The following ROBO1 variants were observed in gnomAD, a reference collection of about 807,000 sequenced individuals.
ROBO1 encodes roundabout guidance receptor 1.
A neutral mutation model predicts 195.9 loss-of-function variants in ROBO1; 149 were observed. The ratio of observed to expected loss-of-function variants is 0.76; its 90% CI spans 0.67 to 0.87. The LOEUF is 0.87. Among genes scored for constraint, ROBO1 ranks in the 40% least tolerant of loss-of-function variants. The probability of loss-of-function intolerance (pLI) is 0.00; values close to 1 mark genes in which losing one functional copy is unlikely to be tolerated. For missense variants in ROBO1, 1,933 were observed against 2,068.3 expected (o/e 0.93, Z 1.27); for synonymous variants, 816 against 733.2 (o/e 1.11, Z -1.82).
intron 1 of ROBO1, among the ~76,000 whole-genome samples, chr3:79,619,361 G>A (rs879290464): frequency 5.9e-5 from 9 of 152,094 alleles, no homozygotes; most frequent in Middle Eastern, 6.8e-3. Flanking sequence ...CTTAGCCTGT[G>A]TTCTCAAGAA....
At chr3:79,735,906 G>T (rs2107386141) in intron 1 of ROBO1, among the ~76,000 whole-genome samples, 1 of 149,550 alleles carries the variant, frequency 6.7e-6, no homozygotes, top group Non-Finnish European at 1.5e-5. Context: ...AACAAAAAAT[G>T]CCTGACACTG....
At chr3:78,833,670 A>T (rs774420721) in intron 4 of ROBO1, among the ~76,000 whole-genome samples, 4 of 152,168 alleles carry the variant, frequency 2.6e-5, no homozygotes, top group Non-Finnish European at 4.4e-5. Context: ...TAAAGTACTT[A>T]GTTCTGAGCC....
chr3:79,139,042 T>G (rs2080470770), intron 2 of ROBO1, among the ~76,000 whole-genome samples: 1 of 151,910 alleles, frequency 6.6e-6, no homozygotes, highest in East Asian at 1.9e-4. Flanking sequence ...AGAGTTTGGT[T>G]TAAGTTAATT....
intron 2 of ROBO1, among the ~76,000 whole-genome samples, chr3:79,126,024 GA>G (rs1347502868): frequency 6.6e-6 from 1 of 152,172 alleles, no homozygotes; most frequent in Non-Finnish European, 1.5e-5. Flanking sequence ...AGGATGTGGG[GA>G]AAAACAGGTC....
At chr3:78,627,245 G>A in intron 26 of ROBO1, 76 bp downstream of exon 26, 3 of 1,481,262 alleles carry the variant, frequency 2.0e-6, no homozygotes, top group South Asian at 1.3e-5. Context: ...TTACTTCGTG[G>A]GATAGCATTT....
chr3:79,401,117 T>C (rs922681111), intron 2 of ROBO1, among the ~76,000 whole-genome samples: 1 of 151,808 alleles, frequency 6.6e-6, no homozygotes, highest in African/African-American at 2.4e-5. Flanking sequence ...AGTTGGCCAT[T>C]TGGAAATTAT....
At chr3:79,472,269 A>T (rs768111884) in intron 2 of ROBO1, among the ~76,000 whole-genome samples, 4 of 152,102 alleles carry the variant, frequency 2.6e-5, no homozygotes, top group Admixed American at 2.6e-4. Flanking sequence ...CCAATGTCAC[A>T]CTTCCTAGTG....
At chr3:78,695,873 T>A (rs1329515554) in intron 8 of ROBO1, among the ~76,000 whole-genome samples, 1 of 151,922 alleles carries the variant, frequency 6.6e-6, no homozygotes, top group Non-Finnish European at 1.5e-5. Flanking sequence ...CTACTCTCAG[T>A]AAACAAATAG....
intron 5 of ROBO1, among the ~76,000 whole-genome samples, chr3:78,741,335 T>G (rs1376887921): frequency 1.3e-5 from 2 of 152,150 alleles, no homozygotes; most frequent in Admixed American, 6.5e-5. Flanking sequence ...CTGTGCTAAT[T>G]TATAACAAAC....
chr3:78,652,063 T>C, intron 18 of ROBO1, 134 bp from the exon 19 acceptor site: 10 of 699,284 alleles, frequency 1.4e-5, no homozygotes, highest in Non-Finnish European at 2.2e-5. Context: ...CTCACCATCA[T>C]CAAATAAAAT....
intron 1 of ROBO1, among the ~76,000 whole-genome samples, chr3:79,665,067 G>C (rs2106857502): frequency 6.6e-6 from 1 of 151,792 alleles, no homozygotes; most frequent in Non-Finnish European, 1.5e-5. Context: ...CTTTAATTAG[G>C]TTCCCTTTCT....
intron 2 of ROBO1, among the ~76,000 whole-genome samples, chr3:79,156,650 A>G (rs1488411686): frequency 6.6e-6 from 1 of 151,874 alleles, no homozygotes; most frequent in Non-Finnish European, 1.5e-5. Flanking sequence ...AAGGGGGATG[A>G]TCTGGACAAA....
intron 22 of ROBO1, among the ~76,000 whole-genome samples, chr3:78,639,379 C>T (rs1169425890): frequency 1.3e-5 from 2 of 152,070 alleles, no homozygotes; most frequent in African/African-American, 4.8e-5. Context: ...ATGAGAATCA[C>T]TGGAACTCAG....
chr3:79,501,774 A>T (rs1165430678), intron 2 of ROBO1, among the ~76,000 whole-genome samples: 11 of 152,332 alleles, frequency 7.2e-5, no homozygotes, highest in Non-Finnish European at 8.8e-5. Flanking sequence ...ATCTATGTCA[A>T]ACCAATTCCT....
chr3:78,651,716 T>G lies in ROBO1; in HGVS notation c.2812+16A>C, dbSNP rs758130432. ...TTATAAACATTAAAATATGAAAACC[T>G]TGGGAAAGCTAATACCTTTTCTGAT... is the stretch of plus-strand genomic sequence containing the variant. On this transcript the variant is annotated intron_variant, in intron 19 of 30. Transcript: ENST00000464233. The G allele has an allele frequency of 1.9e-6, 3 of 1,540,386 alleles. No homozygotes were observed. The Admixed American group carries it at 6.4e-5, about 33-fold the overall frequency.
At chr3:79,080,526 C>G (rs1559644400) in intron 3 of ROBO1, among the ~76,000 whole-genome samples, 1 of 151,800 alleles carries the variant, frequency 6.6e-6, no homozygotes, top group Non-Finnish European at 1.5e-5. Flanking sequence ...TATTTAAAAT[C>G]CTGCCTTAAA....
intron 2 of ROBO1, among the ~76,000 whole-genome samples, chr3:79,158,490 T>C (rs1163054598): frequency 6.6e-6 from 1 of 151,660 alleles, no homozygotes; most frequent in Non-Finnish European, 1.5e-5. Flanking sequence ...CTTCTTTTTT[T>C]TAAATTTGTT....
At chr3:78,847,767 G>A (rs763950125) in intron 4 of ROBO1, among the ~76,000 whole-genome samples, 1 of 152,126 alleles carries the variant, frequency 6.6e-6, no homozygotes, top group Non-Finnish European at 1.5e-5. Context: ...CACACAGCAA[G>A]TTAAGGTGGA....
chr3:78,997,902 T>C (rs147739422), intron 3 of ROBO1, among the ~76,000 whole-genome samples: 4 of 152,260 alleles, frequency 2.6e-5, no homozygotes, highest in East Asian at 3.9e-4. Flanking sequence ...AGAAGGTCTA[T>C]CTTTGGAAAT....
Sources: gnomAD v4.1 joint callset for allele counts (sites outside exome capture counted in the v4.1 genomes callset) on GRCh38, gnomAD v4.1.1 for gene constraint, MANE v1.5 for transcripts, NCBI Gene and HGNC (gene_info 2026-07-23, HGNC 2026-07-21) for gene names.